Variants in ROBO1 observed in about 807,000 individuals in gnomAD.
ROBO1 encodes the protein roundabout guidance receptor 1.
A neutral mutation model predicts 195.9 loss-of-function variants in ROBO1; 149 were observed. The observed-to-expected ratio is 0.76, with a 90% CI of 0.67 to 0.87. ROBO1 has a LOEUF of 0.87. Among genes scored for constraint, ROBO1 ranks in the 40% least tolerant of loss-of-function variants. The probability of loss-of-function intolerance (pLI) is 0.00; values close to 1 mark genes in which losing one functional copy is unlikely to be tolerated. For missense variants in ROBO1, 1,933 were observed against 2,068.3 expected, an observed-to-expected ratio of 0.93 and a Z score of 1.27; for synonymous variants, 816 against 733.2, an observed-to-expected ratio of 1.11 and a Z score of -1.82.
At chr3:79,584,425 A>G (rs149401576) in intron 2 of ROBO1, among the ~76,000 whole-genome samples, 2 of 151,568 alleles carry the variant, frequency 1.3e-5, no homozygotes, top group African/African-American at 4.8e-5. Context: ...AAAACAAACA[A>G]AATAACAAAC....
chr3:78,937,262 T>A (rs1576428693), intron 4 of ROBO1, among the ~76,000 whole-genome samples: 1 of 151,942 alleles, frequency 6.6e-6, no homozygotes, highest in East Asian at 1.9e-4. Context: ...ATTTATAATT[T>A]TATAATTATA....
intron 2 of ROBO1, among the ~76,000 whole-genome samples, chr3:79,340,331 T>C (rs1049283382): frequency 6.6e-6 from 1 of 152,168 alleles, no homozygotes; most frequent in African/African-American, 2.4e-5. Flanking sequence ...GTCCTCAGAG[T>C]GCCTGCCTCC....
chr3:78,777,880 G>C (rs1394013218), intron 4 of ROBO1, among the ~76,000 whole-genome samples: 1 of 152,158 alleles, frequency 6.6e-6, no homozygotes, highest in African/African-American at 2.4e-5. Flanking sequence ...TATTGAATAG[G>C]AGTGGTGAGA....
At chr3:78,717,139 A>T (rs2081921110) in intron 7 of ROBO1, 136 bp downstream of exon 7, 1 of 839,846 alleles carries the variant, frequency 1.2e-6, no homozygotes, top group African/African-American at 1.8e-5. Context: ...GCTTCTAATT[A>T]TCTCCAGTAT....
intron 4 of ROBO1, among the ~76,000 whole-genome samples, chr3:78,850,070 A>G (rs1392694634): frequency 6.6e-6 from 1 of 152,188 alleles, no homozygotes; most frequent in Non-Finnish European, 1.5e-5. Flanking sequence ...TGTGGCCTAG[A>G]GCAACAGGTC....
chr3:79,733,146 T>A (rs989667438), intron 1 of ROBO1, among the ~76,000 whole-genome samples: 1 of 152,198 alleles, frequency 6.6e-6, no homozygotes, highest in Non-Finnish European at 1.5e-5. Context: ...AGGGCTACAC[T>A]TTTTACCTCC....
chr3:79,412,656 T>C (rs1483664180), intron 2 of ROBO1, among the ~76,000 whole-genome samples: 1 of 152,076 alleles, frequency 6.6e-6, no homozygotes, highest in African/African-American at 2.4e-5. Context: ...TCTTTCTTAC[T>C]TAGCTTGTAC....
At chr3:79,056,032 C>G (rs775186772) in intron 3 of ROBO1, among the ~76,000 whole-genome samples, 14 of 152,216 alleles carry the variant, frequency 9.2e-5, no homozygotes, top group Admixed American at 2.0e-4. Flanking sequence ...GCCATTAATG[C>G]AGTAATTAAA....
chr3:78,946,831 T>C (rs2040472685), intron 3 of ROBO1, among the ~76,000 whole-genome samples: 1 of 152,064 alleles, frequency 6.6e-6, no homozygotes, highest in African/African-American at 2.4e-5. Context: ...GAGAAAGATC[T>C]ACCAAGCAAA....
chr3:78,925,450 A>T (rs1396442368), intron 4 of ROBO1, among the ~76,000 whole-genome samples: 2 of 152,240 alleles, frequency 1.3e-5, no homozygotes, highest in Non-Finnish European at 2.9e-5. Context: ...CAAACAGGAA[A>T]AAAATGAGGC....
At chr3:79,570,373 A>G (rs1408080684) in intron 2 of ROBO1, among the ~76,000 whole-genome samples, 3 of 152,072 alleles carry the variant, frequency 2.0e-5, no homozygotes, top group Admixed American at 1.3e-4. Flanking sequence ...TTTTTTGATC[A>G]GAATCACTAT....
chr3:78,884,652 G>GAAAGAAAGA (rs1559961818), intron 4 of ROBO1, among the ~76,000 whole-genome samples: 11 of 49,058 alleles, frequency 2.2e-4, no homozygotes, highest in African/African-American at 5.9e-4. Context: ...AGAAAGAAAG[G>GAAAGAAAGA]AAGGAAGGAA....
chr3:79,116,877 G>T (rs1385672977), intron 3 of ROBO1, among the ~76,000 whole-genome samples: 1 of 152,100 alleles, frequency 6.6e-6, no homozygotes, highest in Non-Finnish European at 1.5e-5. Flanking sequence ...CATGTAAATG[G>T]TTGGTATACT....
At chr3:78,949,571 T>TA (rs2040655446) in intron 3 of ROBO1, among the ~76,000 whole-genome samples, 1 of 152,124 alleles carries the variant, frequency 6.6e-6, no homozygotes, top group Non-Finnish European at 1.5e-5. Flanking sequence ...CAAGAAAACC[T>TA]AGGCAATACC....
chr3:79,331,400 A>C (rs2109173459), intron 2 of ROBO1, among the ~76,000 whole-genome samples: 1 of 152,370 alleles, frequency 6.6e-6, no homozygotes, highest in Non-Finnish European at 1.5e-5. Context: ...CTGAAAAATA[A>C]TTAAGATAAA....
At chr3:79,662,306 A>G (rs1480661451) in intron 1 of ROBO1, among the ~76,000 whole-genome samples, 1 of 152,108 alleles carries the variant, frequency 6.6e-6, no homozygotes, top group Non-Finnish European at 1.5e-5. Context: ...GATGCTTCCA[A>G]AATGTTTCAG....
intron 2 of ROBO1, among the ~76,000 whole-genome samples, chr3:79,378,671 T>G (rs1378652111): frequency 6.6e-6 from 1 of 152,226 alleles, no homozygotes; most frequent in Non-Finnish European, 1.5e-5. Context: ...GCTTTTATTA[T>G]TTTACTGTTT....
intron 3 of ROBO1, among the ~76,000 whole-genome samples, chr3:79,088,796 G>A (rs921925343): frequency 6.6e-6 from 1 of 152,056 alleles, no homozygotes; most frequent in Non-Finnish European, 1.5e-5. Flanking sequence ...GAATGCTTAT[G>A]ATAGGAAACT....
At chr3:79,340,025 T>A (rs570836611) in intron 2 of ROBO1, among the ~76,000 whole-genome samples, 2 of 152,302 alleles carry the variant, frequency 1.3e-5, no homozygotes, top group South Asian at 4.2e-4. Flanking sequence ...AGGTTCCCTG[T>A]ATGTTGGCCC....
Sources: allele counts gnomAD v4.1 joint callset (sites outside exome capture counted in the v4.1 genomes callset), GRCh38; gene constraint gnomAD v4.1.1; transcripts MANE v1.5; gene names NCBI Gene and HGNC (gene_info 2026-07-23, HGNC 2026-07-21).